The following MRAP2 variants were observed in gnomAD, a reference collection of about 807,000 sequenced individuals.
MRAP2 encodes melanocortin-2 receptor accessory protein 2.
MRAP2 carries 20 observed loss-of-function variants against 17.4 expected under a neutral mutation model. That is an observed-to-expected ratio of 1.15 (90% CI 0.81 to 1.67). The LOEUF (loss-of-function observed/expected upper bound fraction) is 1.67, where lower values mean the gene tolerates loss of function less well. MRAP2 is among the 40% of genes most tolerant of loss of function. The pLI, the probability that MRAP2 is intolerant of heterozygous loss-of-function variation, is 0.00. For missense variants in MRAP2, 238 were observed against 240.0 expected, an observed-to-expected ratio of 0.99 and a Z score of 0.05; for synonymous variants, 96 against 88.4, an observed-to-expected ratio of 1.09 and a Z score of -0.48.
chr6:84,045,635 C>T (rs1455651414), intron 1 of MRAP2, among the ~76,000 whole-genome samples: 1 of 152,022 alleles, frequency 6.6e-6, no homozygotes, highest in African/African-American at 2.4e-5. Flanking sequence ...TGGTAGTGCA[C>T]GTCTGTAATC....
At chr6:84,128,155 A>G in the MRAP2 span, among the ~76,000 whole-genome samples, 1 of 152,350 alleles carries the variant, frequency 6.6e-6, no homozygotes, top group East Asian at 1.9e-4. Flanking sequence ...TGAATTAATT[A>G]GTCCATTCAC....
the MRAP2 span, among the ~76,000 whole-genome samples, chr6:84,103,965 C>T: frequency 6.6e-6 from 1 of 152,164 alleles, no homozygotes; most frequent in Non-Finnish European, 1.5e-5. Context: ...TTTTGTTTTA[C>T]TTGAATTTAC....
chr6:84,088,039 G>T (rs1374387284), intron 3 of MRAP2, among the ~76,000 whole-genome samples: 1 of 152,036 alleles, frequency 6.6e-6, no homozygotes, highest in Non-Finnish European at 1.5e-5. Flanking sequence ...AATTCTTACA[G>T]AATTTGGTCA....
chr6:84,093,134 C>CT (rs1401226642), downstream of MRAP2, among the ~76,000 whole-genome samples: 1 of 152,152 alleles, frequency 6.6e-6, no homozygotes, highest in Non-Finnish European at 1.5e-5. Context: ...CTTCATTTAT[C>CT]TTGCCCTCAC....
At chr6:84,134,293 T>A in the MRAP2 span, among the ~76,000 whole-genome samples, 39 of 152,202 alleles carry the variant, frequency 2.6e-4, no homozygotes, top group Non-Finnish European at 5.1e-4. Context: ...CTTGCTGGGC[T>A]CTGTGGGGGT....
chr6:84,074,785 C>T (rs1401758761), intron 3 of MRAP2, among the ~76,000 whole-genome samples: 1 of 152,210 alleles, frequency 6.6e-6, no homozygotes, highest in Non-Finnish European at 1.5e-5. Flanking sequence ...TCTGCCATCC[C>T]TGGCTGGACT....
chr6:84,035,446 T>C (rs2099485720), intron 1 of MRAP2: 3 of 982,856 alleles, frequency 3.1e-6, no homozygotes, highest in African/African-American at 3.5e-5. Context: ...CAGGGTATGC[T>C]GTATCCATTG....
At chr6:84,050,082 C>A (rs775512224) in intron 1 of MRAP2, among the ~76,000 whole-genome samples, 1 of 151,880 alleles carries the variant, frequency 6.6e-6, no homozygotes, top group Non-Finnish European at 1.5e-5. Context: ...TCAAAATAGT[C>A]GTGAGGAGGA....
chr6:84,104,756 T>A, the MRAP2 span, among the ~76,000 whole-genome samples: 1 of 152,032 alleles, frequency 6.6e-6, no homozygotes, highest in African/African-American at 2.4e-5. Flanking sequence ...TAGTCCCAGC[T>A]ACTTGGGAGG....
At chr6:84,134,003 GT>G in the MRAP2 span, among the ~76,000 whole-genome samples, 1 of 152,162 alleles carries the variant, frequency 6.6e-6, no homozygotes, top group African/African-American at 2.4e-5. Flanking sequence ...TCAGATGGGG[GT>G]TTTTTCTATA....
chr6:84,067,233 G>A (rs571819167), intron 3 of MRAP2, among the ~76,000 whole-genome samples: 4 of 152,290 alleles, frequency 2.6e-5, no homozygotes, highest in African/African-American at 9.6e-5. Flanking sequence ...TTTTATGGCT[G>A]AGTAGTGTCC....
chr6:84,041,373 A>G (rs1265218188), intron 1 of MRAP2, among the ~76,000 whole-genome samples: 1 of 152,214 alleles, frequency 6.6e-6, no homozygotes, highest in Non-Finnish European at 1.5e-5. Context: ...CAACGCAGAA[A>G]GGGAATGTGG....
At chr6:84,059,838 C>T (rs1319136046) in intron 2 of MRAP2, among the ~76,000 whole-genome samples, 1 of 152,154 alleles carries the variant, frequency 6.6e-6, no homozygotes. Flanking sequence ...CTGTATAAAG[C>T]TTTATTCTGA....
chr6:84,119,448 T>C, the MRAP2 span, among the ~76,000 whole-genome samples: 1 of 152,236 alleles, frequency 6.6e-6, no homozygotes, highest in Non-Finnish European at 1.5e-5. Flanking sequence ...GCTGACTGCA[T>C]GATGAGGTCT....
chr6:84,135,357 G>A, the MRAP2 span, among the ~76,000 whole-genome samples: 1 of 152,298 alleles, frequency 6.6e-6, no homozygotes, highest in East Asian at 1.9e-4. Context: ...GGTGAGTGAA[G>A]ATGCTTTCTT....
At chr6:84,045,591 C>T (rs969246813) in intron 1 of MRAP2, among the ~76,000 whole-genome samples, 9 of 152,066 alleles carry the variant, frequency 5.9e-5, no homozygotes, top group South Asian at 4.2e-4. Flanking sequence ...GGTGAAACCC[C>T]GTCTCTCCTA....
the MRAP2 span, among the ~76,000 whole-genome samples, chr6:84,140,851 C>T: frequency 6.6e-6 from 1 of 152,090 alleles, no homozygotes; most frequent in Non-Finnish European, 1.5e-5. Context: ...ATAAAAATAG[C>T]TTACTGGTCT....
chr6:84,125,960 ATTAAT>A, the MRAP2 span, among the ~76,000 whole-genome samples: 2 of 152,164 alleles, frequency 1.3e-5, no homozygotes, highest in Admixed American at 1.3e-4. Flanking sequence ...TTTAACTTCT[ATTAAT>A]TTATCTGTTT....
At chr6:84,052,015 C>A (rs573109912) in intron 1 of MRAP2, among the ~76,000 whole-genome samples, 23 of 152,328 alleles carry the variant, frequency 1.5e-4, no homozygotes, top group Non-Finnish European at 2.6e-4. Flanking sequence ...CAGTCCTAAT[C>A]TTCATTTTTG....
Sources: allele counts gnomAD v4.1 joint callset (sites outside exome capture counted in the v4.1 genomes callset), GRCh38; gene constraint gnomAD v4.1.1; transcripts MANE v1.5; gene names NCBI Gene and HGNC (gene_info 2026-07-23, HGNC 2026-07-21).